Variants in ACSF2 observed in about 807,000 individuals in gnomAD.
ACSF2 encodes medium-chain acyl-CoA ligase ACSF2, mitochondrial.
ACSF2 carries 52 observed loss-of-function variants against 79.3 expected under a neutral mutation model. The ratio of observed to expected loss-of-function variants is 0.66; its 90% CI spans 0.53 to 0.83. The LOEUF is 0.83. Ranked by LOEUF, ACSF2 falls within the 40% of genes least tolerant of loss-of-function variation. The pLI is 0.00. For missense variants in ACSF2, 661 were observed against 803.3 expected (o/e 0.82, Z 2.14); for synonymous variants, 283 against 312.6 (o/e 0.91, Z 1.00).
At chr17:50,470,927 T>C (rs571089754) in intron 10 of ACSF2, 101 bp from the exon 11 acceptor site, 1 of 894,992 alleles carries the variant, frequency 1.1e-6, no homozygotes, top group East Asian at 2.5e-5. Context: ...CCCTCCACTT[T>C]CCCTTTTCTT....
At position 50,462,175 on chromosome 17, in the gene ACSF2, C is replaced by T; in HGVS notation, c.508-9C>T. The T allele has an allele frequency of 6.2e-7, 1 of 1,613,430 alleles. No individual in the cohort carries two copies. Among genetic ancestry groups the T allele is most frequent in the Non-Finnish European group, 8.5e-7 (1 of 1,179,704 alleles). Reference sequence around the variant, plus strand: ...CGCTGACTGGAGGTGGGGGACTCCCCTTCCACAGGTGGGCTGCAAGGCCCT... The same window carrying T: ...CGCTGACTGGAGGTGGGGGACTCCCTTTCCACAGGTGGGCTGCAAGGCCCT... On this transcript the variant is annotated splice_polypyrimidine_tract_variant and intron_variant, in intron 4 of 15. Transcript: ENST00000300441.
At chr17:50,456,236 G>T (rs1220229270) in intron 1 of ACSF2, among the ~76,000 whole-genome samples, 1 of 152,144 alleles carries the variant, frequency 6.6e-6, no homozygotes, top group East Asian at 1.9e-4. Flanking sequence ...CAAACCCCCA[G>T]GCTGACTTCC....
chr17:50,466,073 C>CTTTTTTTTTTTTTTTTTCT (rs10707664), intron 10 of ACSF2, among the ~76,000 whole-genome samples: 1 of 120,024 alleles, frequency 8.3e-6, no homozygotes, highest in Non-Finnish European at 1.7e-5. Context: ...GTGTTATTTT[C>CTTTTTTTTTTTTTTTTTCT]TTTTTTTTTT....
chr17:50,461,837 G>T (rs759104002), intron 4 of ACSF2, 151 bp downstream of exon 4: 2 of 1,072,318 alleles, frequency 1.9e-6, no homozygotes, highest in Non-Finnish European at 2.8e-6. Flanking sequence ...GTGATTGGAA[G>T]GTGGCCCCAA....
chr17:50,461,687 G>T lies in ACSF2; in HGVS notation c.507+1G>T. ...GGAACTGGAGTATGTCCTCAAGAAG[G>T]TACAGCTCATTTGTCGGGGAGGGGC... On this transcript the variant is annotated splice_donor_variant, in intron 4 of 15. Coordinates refer to ENST00000300441, the MANE Select transcript of ACSF2 (RefSeq NM_025149.6). LOFTEE classifies it high-confidence loss of function. 6.2e-7 allele frequency: 1 copy of T among 1,614,056 alleles called. No individual in the cohort carries two copies. Among genetic ancestry groups the T allele is most frequent in the Non-Finnish European group, 8.5e-7 (1 of 1,179,980 alleles).
intron 10 of ACSF2, among the ~76,000 whole-genome samples, chr17:50,467,248 G>A (rs1428398874): frequency 6.6e-6 from 1 of 152,198 alleles, no homozygotes; most frequent in Non-Finnish European, 1.5e-5. Flanking sequence ...GACGGAGGAG[G>A]GCAAAGGGCA....
rs1304083090 is a variant in ACSF2, at chr17:50,435,387, T to C, written c.128+8998T>C. Among the ~76,000 whole-genome samples, 5 of 152,182 alleles carry C rather than the reference T, an allele frequency of 3.3e-5. No individual in the cohort carries two copies. In the East Asian group the frequency reaches 9.6e-4, roughly 29 times the overall value. ...TTTTCATCCTCTTAAAAGGGTCTTT[T>C]GCAGAGCAAAATTTTTTAATCCTTT... On this transcript the variant is annotated intron_variant, in intron 1 of 15. Coordinates refer to ENST00000300441, the MANE Select transcript of ACSF2 (RefSeq NM_025149.6).
At chr17:50,467,556 C>T (rs950162077) in intron 10 of ACSF2, among the ~76,000 whole-genome samples, 1 of 152,214 alleles carries the variant, frequency 6.6e-6, no homozygotes, top group East Asian at 1.9e-4. Context: ...CCCCCACTCC[C>T]CCTTAGCACA....
At position 50,467,948 on chromosome 17, in the gene ACSF2, G is replaced by A. The variant is rs2032846052; in HGVS notation, c.1216-3080G>A. The A allele has an allele frequency of 5.1e-6, 7 of 1,360,804 alleles. No individual in the cohort carries two copies. In the South Asian group the frequency reaches 1.0e-4, roughly 20 times the overall value. The allele number at this position is 1,360,804 out of a possible 1,614,324, so 84.3% of individuals were successfully genotyped here. On this transcript the variant is annotated intron_variant, in intron 10 of 15. Coordinates refer to ENST00000300441, the MANE Select transcript of ACSF2 (RefSeq NM_025149.6). ...ATAGCCAGAGGGACAGGGAACCTGG[G>A]GACGGGGGATGGTGCCAGCTGTGGC...
chr17:50,472,433 G>C lies in ACSF2; in HGVS notation c.1329G>C (p.Arg443=), dbSNP rs1391550305. The C allele has an allele frequency of 7.4e-6, 12 of 1,612,366 alleles. No individual in the cohort carries two copies. Among genetic ancestry groups the C allele is most frequent in the East Asian group, 2.2e-5 (1 of 44,712 alleles). The change falls in exon 12 of 16, where the codon CGG becomes CGC. Residue 443 remains arginine, a synonymous_variant. Coordinates refer to ENST00000300441, the MANE Select transcript of ACSF2 (RefSeq NM_025149.6). Reference sequence around the variant, plus strand: ...CTGAGGCCATCCTGTCCCAGGCCCGGATCATGAACATGGAGGCAGGGACGC... The same window carrying C: ...CTGAGGCCATCCTGTCCCAGGCCCGCATCATGAACATGGAGGCAGGGACGC... ...VGRIMPHTEA[R]IMNMEAGTLA...
chr17:50,453,780 CTGTTGTTGT>C (rs913313298), intron 1 of ACSF2, among the ~76,000 whole-genome samples: 12 of 150,178 alleles, frequency 8.0e-5, no homozygotes, highest in African/African-American at 2.5e-4. Flanking sequence ...TGTGTGTGTG[CTGTTGTTGT>C]TGTTGTTGTT....
At chr17:50,429,073 A>G (rs534875638) in intron 1 of ACSF2, among the ~76,000 whole-genome samples, 4 of 152,362 alleles carry the variant, frequency 2.6e-5, no homozygotes, top group Non-Finnish European at 2.9e-5. Flanking sequence ...ACCCAGGCCT[A>G]TTACTTACCA....
chr17:50,460,091 G>A (rs1367143545), intron 1 of ACSF2: 2 of 421,850 alleles, frequency 4.7e-6, no homozygotes, highest in African/African-American at 2.1e-5. Context: ...TTAGCACCTG[G>A]CACTGAACAC....
intron 1 of ACSF2, among the ~76,000 whole-genome samples, chr17:50,427,888 G>A (rs1459258315): frequency 6.6e-6 from 1 of 152,154 alleles, no homozygotes; most frequent in Non-Finnish European, 1.5e-5. Context: ...TGTGTCAGGA[G>A]GAGACTCATT....
intron 1 of ACSF2, among the ~76,000 whole-genome samples, chr17:50,431,169 T>C (rs1440464368): frequency 6.6e-6 from 1 of 152,240 alleles, no homozygotes; most frequent in Non-Finnish European, 1.5e-5. Flanking sequence ...AGAAAATAAC[T>C]ATGAACTTGG....
chr17:50,465,362 T>C (rs1345324132), intron 10 of ACSF2: 1 of 1,614,058 alleles, frequency 6.2e-7, no homozygotes, highest in Admixed American at 1.7e-5. Flanking sequence ...GGCGTCCGTG[T>C]CACGGATGTG....
intron 1 of ACSF2, 184 bp from the exon 2 acceptor site, chr17:50,460,493 G>T (rs2032264793): frequency 4.9e-6 from 3 of 615,246 alleles, no homozygotes; most frequent in South Asian, 2.0e-5. Context: ...GCTGCCTTGG[G>T]ATTAGGCTTG....
chr17:50,451,213 C>T (rs1371467071), intron 1 of ACSF2, among the ~76,000 whole-genome samples: 2 of 152,200 alleles, frequency 1.3e-5, no homozygotes, highest in Non-Finnish European at 2.9e-5. Context: ...ACTGGGCTTA[C>T]AGGCATGAGC....
At chr17:50,465,174 C>T in intron 10 of ACSF2, 1 of 1,215,414 alleles carries the variant, frequency 8.2e-7, no homozygotes, top group Non-Finnish European at 1.2e-6. Flanking sequence ...CCCCTCCTCT[C>T]TCTGTAAAAA....
Sources: allele counts gnomAD v4.1 joint callset (sites outside exome capture counted in the v4.1 genomes callset), GRCh38; gene constraint gnomAD v4.1.1; transcripts MANE v1.5; gene names NCBI Gene and HGNC (gene_info 2026-07-23, HGNC 2026-07-21).